Variants in CLYBL observed in about 807,000 individuals in gnomAD.
The protein encoded by CLYBL is citramalyl-CoA lyase, mitochondrial.
In CLYBL, 31 loss-of-function variants were observed where a neutral mutation model predicts 38.9. The ratio of observed to expected loss-of-function variants is 0.80; its 90% CI spans 0.60 to 1.08. The LOEUF (loss-of-function observed/expected upper bound fraction) is 1.08, where lower values mean the gene tolerates loss of function less well. Ranked by LOEUF, CLYBL falls within the 50% of genes least tolerant of loss-of-function variation. The pLI is 0.00. For missense variants in CLYBL, 434 were observed against 411.6 expected (o/e 1.05, Z -0.47); for synonymous variants, 171 against 158.6 (o/e 1.08, Z -0.59).
intron 2 of CLYBL, among the ~76,000 whole-genome samples, chr13:99,804,164 G>A (rs902248604): frequency 6.6e-6 from 1 of 152,250 alleles, no homozygotes; most frequent in Non-Finnish European, 1.5e-5. Flanking sequence ...AATTAGCAGT[G>A]CACAAAGGCA....
chr13:99,884,688 C>T (rs1351706011), intron 7 of CLYBL, among the ~76,000 whole-genome samples: 4 of 152,182 alleles, frequency 2.6e-5, no homozygotes, highest in African/African-American at 4.8e-5. Context: ...GCCTGTGGCA[C>T]GCCAGGTATG....
At position 99,633,235 on chromosome 13, in the gene CLYBL, AG is replaced by A. The variant is rs1478577062; in HGVS notation, c.62+26479del. On this transcript the variant is annotated intron_variant, in intron 1 of 8. Coordinates refer to ENST00000339105, the MANE Select transcript of CLYBL (RefSeq NM_206808.5). ...CAAAAAAAAAAAAAAAAAAAAAAAA[AG>A]AGAAGAGAAGAAAAGAAATAAGGCC... is the stretch of plus-strand genomic sequence containing the variant. Among the ~76,000 whole-genome samples the A allele has an allele frequency of 5.0e-5, 7 of 139,122 alleles. No individual in the cohort carries two copies. The East Asian group carries it at 8.5e-4, about 17-fold the overall frequency. The allele number at this position is 139,122 out of a possible 152,430, so 91.3% of individuals were successfully genotyped here. A position where few individuals can be genotyped will look rare whatever the true frequency, so the allele number is the denominator to read the frequency against.
At chr13:99,708,401 A>G (rs1176774564) in intron 1 of CLYBL, among the ~76,000 whole-genome samples, 2 of 152,068 alleles carry the variant, frequency 1.3e-5, no homozygotes, top group Admixed American at 6.6e-5. Context: ...TTGGCCATTT[A>G]TGCATATTTA....
At chr13:99,695,683 C>G (rs1318647829) in intron 1 of CLYBL, among the ~76,000 whole-genome samples, 1 of 152,122 alleles carries the variant, frequency 6.6e-6, no homozygotes, top group Admixed American at 6.5e-5. Flanking sequence ...CCACACCTGG[C>G]TAATTTTTGT....
intron 1 of CLYBL, among the ~76,000 whole-genome samples, chr13:99,628,914 A>G (rs1485810175): frequency 6.6e-6 from 1 of 152,204 alleles, no homozygotes; most frequent in African/African-American, 2.4e-5. Flanking sequence ...CTACAAGTGT[A>G]AGAATAAAAT....
intron 7 of CLYBL, among the ~76,000 whole-genome samples, chr13:99,876,891 T>C (rs138044979): frequency 1.5e-3 from 227 of 152,294 alleles, no homozygotes; most frequent in African/African-American, 5.2e-3. Context: ...GTAGTTCCAA[T>C]GTATGTCTTT....
chr13:99,712,040 A>C (rs571261570), intron 1 of CLYBL, among the ~76,000 whole-genome samples: 1 of 152,212 alleles, frequency 6.6e-6, no homozygotes, highest in African/African-American at 2.4e-5. Flanking sequence ...CATTTATGAG[A>C]GCTCAGTCCT....
rs566354999 is a variant in CLYBL, at chr13:99,849,539, G to A, written c.250-9322G>A. ...TAAAAAAAGTCTGTGCAAAGTGTAC[G>A]TCAAAGCCACACTACTGAATCATAA... On this transcript the variant is annotated intron_variant, in intron 2 of 8. Transcript: ENST00000339105. This position sits in a 1 kb window ranked among gnomAD's most constrained non-coding sequence, Gnocchi z 4.9. Among the ~76,000 whole-genome samples the A allele has an allele frequency of 1.3e-4, 20 of 152,276 alleles. No homozygotes were observed. The highest frequency in any genetic ancestry group is 4.1e-4 in the African/African-American group (17 of 41,560).
At chr13:99,813,904 T>G (rs1443740491) in intron 2 of CLYBL, among the ~76,000 whole-genome samples, 1 of 152,192 alleles carries the variant, frequency 6.6e-6, no homozygotes, top group East Asian at 1.9e-4. Context: ...GCCATCCCCG[T>G]GGACCAAAGT....
At chr13:99,904,398 C>T (rs970241586) in intron 8 of CLYBL, among the ~76,000 whole-genome samples, 6 of 152,202 alleles carry the variant, frequency 3.9e-5, no homozygotes, top group African/African-American at 1.2e-4. Flanking sequence ...AAGCAAAGTT[C>T]AAACCAGTTT....
chr13:99,726,771 A>G (rs1461743132), intron 1 of CLYBL, among the ~76,000 whole-genome samples: 1 of 149,604 alleles, frequency 6.7e-6, no homozygotes, highest in Non-Finnish European at 1.5e-5. Context: ...AGGCACCTAC[A>G]TTCTCATTTC....
At chr13:99,645,024 G>A (rs1300774416) in intron 1 of CLYBL, among the ~76,000 whole-genome samples, 1 of 152,014 alleles carries the variant, frequency 6.6e-6, no homozygotes, top group Non-Finnish European at 1.5e-5. Flanking sequence ...CTTTCTTTTG[G>A]GTATATACCT....
At chr13:99,765,500 C>T (rs1381194409) in intron 1 of CLYBL, among the ~76,000 whole-genome samples, 1 of 151,850 alleles carries the variant, frequency 6.6e-6, no homozygotes, top group Non-Finnish European at 1.5e-5. Context: ...TTTGAATAAG[C>T]TTTCTACCCC....
intron 1 of CLYBL, among the ~76,000 whole-genome samples, chr13:99,730,490 C>T (rs1345457807): frequency 6.6e-6 from 1 of 152,146 alleles, no homozygotes; most frequent in African/African-American, 2.4e-5. Flanking sequence ...GCAGCACTTT[C>T]CCTTCCAGCT....
At chr13:99,661,265 T>G (rs1343770170) in intron 1 of CLYBL, among the ~76,000 whole-genome samples, 4 of 152,172 alleles carry the variant, frequency 2.6e-5, no homozygotes, top group East Asian at 1.9e-4. Context: ...GTAGAAGAAT[T>G]TCCAGAAAAT....
chr13:99,694,880 G>A (rs1254753979), intron 1 of CLYBL, among the ~76,000 whole-genome samples: 3 of 152,118 alleles, frequency 2.0e-5, no homozygotes, highest in Non-Finnish European at 4.4e-5. Context: ...TTAAGTGTGG[G>A]GAATTTTTTT....
chr13:99,705,163 T>C lies in CLYBL; in HGVS notation c.63-67661T>C, dbSNP rs543413582. 6.6e-5 allele frequency among the ~76,000 whole-genome samples: 10 copies of C among 152,300 alleles called. No individual in the cohort carries two copies. The East Asian group carries it at 1.9e-3, about 29-fold the overall frequency. On this transcript the variant is annotated intron_variant, in intron 1 of 8. Transcript: ENST00000339105. The stretch of plus-strand genomic sequence containing the variant: ...GGTACACCCATGTTTATAGCAGCAT[T>C]ATTCTTGATAGCCAAAAGATGGAAG...
downstream of CLYBL, among the ~76,000 whole-genome samples, chr13:99,898,081 C>A (rs2052603306): frequency 6.6e-6 from 1 of 152,066 alleles, no homozygotes; most frequent in Admixed American, 6.5e-5. Context: ...TTACAAAAAA[C>A]AAGAGAGGCC....
chr13:99,698,883 C>A (rs980566366), intron 1 of CLYBL, among the ~76,000 whole-genome samples: 5 of 152,202 alleles, frequency 3.3e-5, no homozygotes, highest in African/African-American at 1.2e-4. Flanking sequence ...AAGTGTGTCA[C>A]CTTTTTCTGT....
Sources: gnomAD v4.1 joint callset for allele counts (sites outside exome capture counted in the v4.1 genomes callset) on GRCh38, gnomAD v4.1.1 for gene constraint, Gnocchi (gnomAD v3.1) non-coding constraint, MANE v1.5 for transcripts, NCBI Gene and HGNC (gene_info 2026-07-23, HGNC 2026-07-21) for gene names.